The following FYCO1 variants were observed in gnomAD, a reference collection of about 807,000 sequenced individuals.
FYCO1 encodes FYVE and coiled-coil domain autophagy adaptor 1.
A neutral mutation model predicts 165.1 loss-of-function variants in FYCO1; 122 were observed. The ratio of observed to expected loss-of-function variants is 0.74; its 90% CI spans 0.64 to 0.86. The LOEUF (loss-of-function observed/expected upper bound fraction) is 0.86, where lower values mean the gene tolerates loss of function less well. Ranked by LOEUF, FYCO1 falls within the 40% of genes least tolerant of loss-of-function variation. The pLI is 0.00. For synonymous variants in FYCO1, 648 were observed against 742.5 expected, an observed-to-expected ratio of 0.87 and a Z score of 2.07; for missense variants, 1,702 against 1,810.3, an observed-to-expected ratio of 0.94 and a Z score of 1.09.
At chr3:45,943,221 C>T (rs1704343841) in intron 14 of FYCO1, among the ~76,000 whole-genome samples, 1 of 152,186 alleles carries the variant, frequency 6.6e-6, no homozygotes, top group African/African-American at 2.4e-5. Context: ...TGGCCAGAGC[C>T]AAACCTCCTT....
chr3:45,975,788 G>T (rs1160294338), intron 4 of FYCO1, among the ~76,000 whole-genome samples: 2 of 152,198 alleles, frequency 1.3e-5, no homozygotes. Context: ...TGAGGAGGAA[G>T]AGATGGGCTC....
intron 1 of FYCO1, among the ~76,000 whole-genome samples, chr3:45,994,073 C>T (rs1707683239): frequency 6.6e-6 from 1 of 152,078 alleles, no homozygotes; most frequent in African/African-American, 2.4e-5. Context: ...TCTATGGGGG[C>T]CATCCCCCTC....
At chr3:45,935,094 A>G (rs922974082) in intron 15 of FYCO1, among the ~76,000 whole-genome samples, 13 of 152,158 alleles carry the variant, frequency 8.5e-5, no homozygotes, top group African/African-American at 3.1e-4. Context: ...GGTGGAATAG[A>G]TTATTCTCTC....
Position 45,955,332 on chromosome 3 carries a change from T to C in FYCO1, c.3861A>G (p.Glu1287=). Residue 1287 remains glutamate (E), a synonymous_variant, in exon 14 of 18, where the codon GAA becomes GAG. Coordinates refer to ENST00000296137, the MANE Select transcript of FYCO1 (RefSeq NM_024513.4). ...AGCCGGACTCCTGTATCTGGCACAA[T>C]TCCTCATCTGTGATGATATCAAACA... ...DAVFDIITDE[E]LCQIQESGSS... 3 of 1,614,112 alleles carry C rather than the reference T, an allele frequency of 1.9e-6. No homozygotes were observed. The South Asian group carries it at 3.3e-5, about 18-fold the overall frequency.
rs770269063 is a variant in FYCO1, at chr3:45,969,762, C to A, written c.543G>T (p.Arg181Ser). 6 of 1,613,410 alleles carry A rather than the reference C, an allele frequency of 3.7e-6. No individual in the cohort carries two copies. The South Asian group carries it at 5.5e-5, about 15-fold the overall frequency. The change falls in exon 7 of 18, where the codon AGG becomes AGT. Residue 181 changes from arginine to serine, a missense_variant. Transcript: ENST00000296137. ...AAGCAGAAGAGCCAGTGGTCAGCGT[C>A]CTCCTGTGGGGCCACAAAACAGACA... is the stretch of plus-strand genomic sequence containing the variant. ...LDAAWPTFAR[R>S]TLTTGSSAYL...
In FYCO1 at chr3:45,920,837, G is replaced by A. The variant is rs946813528; in HGVS notation, c.*928C>T. 3.3e-5 allele frequency: 5 copies of A among 152,662 alleles called. No individual in the cohort carries two copies. The highest frequency in any genetic ancestry group is 1.2e-4 in the African/African-American group (5 of 41,436). The allele number at this position is 152,662 out of a possible 1,614,324, so 9.5% of individuals were successfully genotyped here. On this transcript the variant is annotated 3_prime_UTR_variant, in exon 18 of 18. Transcript: ENST00000296137. ...TGATCATTAGTAAACATGTCTGCAG[G>A]TGGGGCAGAAGCTCTTATTTATATA...
rs912273215 is a variant in FYCO1 at position 45,946,279 on chromosome 3, T to C, written c.3944+8970A>G. 6 of 561,794 alleles carry C rather than the reference T, an allele frequency of 1.1e-5. No homozygotes were observed. In the Admixed American group the frequency reaches 1.8e-4, roughly 17 times the overall value. 34.8% of individuals were successfully genotyped at this position (561,794 alleles called of 1,614,324 possible). A position where few individuals can be genotyped will look rare whatever the true frequency, so the allele number is the denominator to read the frequency against. ...AGGCTAATGGAGAGTCCTCATCCTG[T>C]CTGAGCAATTTCCCCTCAGAATTGG... On this transcript the variant is annotated intron_variant, in intron 14 of 17. Transcript: ENST00000296137.
At chr3:45,930,678 C>T (rs190039371) in intron 16 of FYCO1, among the ~76,000 whole-genome samples, 22,371 of 152,106 alleles carry the variant, frequency 0.15, 2,049 homozygotes, top group East Asian at 0.28. Context: ...GAGATGCACC[C>T]TAAGCTAAAA....
At chr3:45,957,914 G>A (rs1161804836) in intron 13 of FYCO1, among the ~76,000 whole-genome samples, 1 of 152,260 alleles carries the variant, frequency 6.6e-6, no homozygotes, top group Non-Finnish European at 1.5e-5. Context: ...GTCTGCTAGG[G>A]TGTGCTCAAA....
At chr3:45,952,913 C>A (rs1400309989) in intron 14 of FYCO1, among the ~76,000 whole-genome samples, 8 of 152,084 alleles carry the variant, frequency 5.3e-5, no homozygotes, top group African/African-American at 1.7e-4. Context: ...GCCCCAGGGA[C>A]CATTGAGCCA....
At chr3:45,953,721 A>T (rs1705158218) in intron 14 of FYCO1, among the ~76,000 whole-genome samples, 1 of 152,220 alleles carries the variant, frequency 6.6e-6, no homozygotes, top group South Asian at 2.1e-4. Context: ...GTCACTGATT[A>T]AAAGCAGCAT....
intron 2 of FYCO1, chr3:45,984,543 CAA>C (rs1707221745): frequency 2.0e-6 from 1 of 488,028 alleles, no homozygotes; most frequent in Non-Finnish European, 3.7e-6. Context: ...GGGATTTAGC[CAA>C]AGACTTAACA....
intron 14 of FYCO1, among the ~76,000 whole-genome samples, chr3:45,938,461 G>A (rs1266867350): frequency 3.3e-5 from 5 of 152,206 alleles, no homozygotes; most frequent in African/African-American, 4.8e-5. Flanking sequence ...CATGTTGTGA[G>A]GATAAGTATT....
At chr3:45,944,525 G>T (rs1262706085) in intron 14 of FYCO1, among the ~76,000 whole-genome samples, 1 of 151,954 alleles carries the variant, frequency 6.6e-6, no homozygotes, top group African/African-American at 2.4e-5. Flanking sequence ...CAAAGTTGTA[G>T]ATTTTTTTTT....
chr3:45,961,647 T>A (rs1029399962), intron 11 of FYCO1, among the ~76,000 whole-genome samples: 1 of 151,890 alleles, frequency 6.6e-6, no homozygotes, highest in Non-Finnish European at 1.5e-5. Flanking sequence ...TATTGAAATA[T>A]TTATGGATGA....
At position 45,968,341 on chromosome 3, in the gene FYCO1, C is replaced by A. The variant is rs1249823095; in HGVS notation, c.993G>T (p.Glu331Asp). ...GLELGAAEKE[E>D]DYHTALRRLE... ...GCCGCCGCAGGGCTGTGTGGTAGTC[C>A]TCCTCCTTCTCTGCTGCTCCTAGCT... Residue 331 changes from glutamate (E) to aspartate (D), a missense_variant, in exon 8 of 18, where the codon GAG (glutamate) becomes GAT (aspartate). By Grantham distance (45) the Glu-to-Asp change is conservative. Transcript: ENST00000296137. 4 of 1,613,614 alleles carry A rather than the reference C, an allele frequency of 2.5e-6. No individual in the cohort carries two copies. The highest frequency in any genetic ancestry group is 2.5e-6 in the Non-Finnish European group (3 of 1,179,974).
intron 14 of FYCO1, among the ~76,000 whole-genome samples, chr3:45,943,694 G>A (rs1320788355): frequency 1.3e-5 from 2 of 152,138 alleles, no homozygotes; most frequent in African/African-American, 4.8e-5. Flanking sequence ...TTCCATCACT[G>A]CCATTTGCTG....
At chr3:45,982,145 T>C (rs889763029) in intron 2 of FYCO1, among the ~76,000 whole-genome samples, 1 of 152,172 alleles carries the variant, frequency 6.6e-6, no homozygotes, top group Non-Finnish European at 1.5e-5. Flanking sequence ...ATTCCAACAA[T>C]GACAACCGCA....
At position 45,964,614 on chromosome 3, in the gene FYCO1, T is replaced by C. The variant is rs1016263779; in HGVS notation, c.3151-160A>G. ...GAGGCCATGAACCTCTGCTCTATATTTGTGGGGCCTCAACTGCAACTAGTT... is the reference window on the plus strand; with the variant it reads ...GAGGCCATGAACCTCTGCTCTATATCTGTGGGGCCTCAACTGCAACTAGTT... On this transcript the variant is annotated intron_variant, in intron 9 of 17. Coordinates refer to ENST00000296137, the MANE Select transcript of FYCO1 (RefSeq NM_024513.4). This position sits in a 1 kb window ranked among gnomAD's most constrained non-coding sequence, Gnocchi z 4.1. 1.1e-6 allele frequency: 1 copy of C among 929,124 alleles called. No homozygotes were observed. Among genetic ancestry groups the C allele is most frequent in the Non-Finnish European group, 1.3e-6 (1 of 778,574 alleles). The allele number at this position is 929,124 out of a possible 1,614,324, so 57.6% of individuals were successfully genotyped here.
Sources: allele counts gnomAD v4.1 joint callset (sites outside exome capture counted in the v4.1 genomes callset), GRCh38; gene constraint gnomAD v4.1.1; non-coding constraint Gnocchi (gnomAD v3.1); transcripts MANE v1.5; gene names NCBI Gene and HGNC (gene_info 2026-07-23, HGNC 2026-07-21).